COL27A1: variants seen among roughly 807,000 people sequenced by gnomAD.
COL27A1 encodes the protein collagen type XXVII alpha 1 chain, also known as collagen alpha-1(XXVII) chain.
In COL27A1, 106 loss-of-function variants were observed where a neutral mutation model predicts 251.3. That is an observed-to-expected ratio of 0.42 (90% CI 0.36 to 0.50). The LOEUF (loss-of-function observed/expected upper bound fraction) is 0.50. Ranked by LOEUF, COL27A1 falls within the 20% of genes least tolerant of loss-of-function variation. The pLI, the probability that COL27A1 is intolerant of heterozygous loss-of-function variation, is 0.00. For synonymous variants in COL27A1, 1,000 were observed against 986.3 expected, an observed-to-expected ratio of 1.01 and a Z score of -0.26; for missense variants, 2,325 against 2,522.8, an observed-to-expected ratio of 0.92 and a Z score of 1.68.
intron 10 of COL27A1, 90 bp downstream of exon 10, chr9:114,206,386 T>C: frequency 7.3e-7 from 1 of 1,361,292 alleles, no homozygotes; most frequent in South Asian, 1.2e-5. Context: ...GTCAGAGCTA[T>C]AAGGAGAGCC....
chr9:114,259,887 T>C (rs758724321), intron 28 of COL27A1, among the ~76,000 whole-genome samples: 29 of 152,020 alleles, frequency 1.9e-4, no homozygotes, highest in Admixed American at 3.9e-4. Flanking sequence ...CAAGTGGTTT[T>C]ACAATTTCCC....
intron 45 of COL27A1, 72 bp from the exon 46 acceptor site, chr9:114,289,986 C>A: frequency 2.0e-6 from 3 of 1,520,838 alleles, no homozygotes; most frequent in Middle Eastern, 2.3e-4. Context: ...CCTCTCAGTC[C>A]CTCCTTCCAG....
chr9:114,231,923 C>A (rs1736414800), intron 16 of COL27A1, 57 bp downstream of exon 16: 1 of 1,548,630 alleles, frequency 6.5e-7, no homozygotes, highest in Non-Finnish European at 8.9e-7. Flanking sequence ...CCCCCCTCTC[C>A]GCCCGGAGGC....
At chr9:114,160,021 T>A (rs1420424821) in intron 1 of COL27A1, among the ~76,000 whole-genome samples, 1 of 152,064 alleles carries the variant, frequency 6.6e-6, no homozygotes, top group African/African-American at 2.4e-5. Flanking sequence ...CCTGGCCCCA[T>A]GAAAAGGCAT....
chr9:114,290,704 C>A lies in COL27A1; in HGVS notation c.4369-106C>A. ...GTCTGACCTCCATCCTGGAGTGTGA[C>A]CCCTTCCTCCAGCTTCACCCAGGGT... On this transcript the variant is annotated intron_variant, in intron 47 of 60. Transcript: ENST00000356083. This position sits in a 1 kb window ranked among gnomAD's most constrained non-coding sequence, Gnocchi z 4.6. 1 of 811,064 alleles carries A rather than the reference C, an allele frequency of 1.2e-6. No homozygotes were observed. Among genetic ancestry groups the A allele is most frequent in the Non-Finnish European group, 2.0e-6 (1 of 511,592 alleles). The allele number at this position is 811,064 out of a possible 1,614,324, so 50.2% of individuals were successfully genotyped here. A position where few individuals can be genotyped will look rare whatever the true frequency, so the allele number is the denominator to read the frequency against.
At chr9:114,239,730 G>A (rs1283291288) in intron 19 of COL27A1, among the ~76,000 whole-genome samples, 2 of 152,222 alleles carry the variant, frequency 1.3e-5, no homozygotes, top group East Asian at 3.8e-4. Flanking sequence ...CCAAGATGTA[G>A]GAAGGACTTA....
chr9:114,217,567 G>A (rs2135371505), intron 12 of COL27A1, among the ~76,000 whole-genome samples: 1 of 152,366 alleles, frequency 6.6e-6, no homozygotes, highest in African/African-American at 2.4e-5. Flanking sequence ...CAGGACAGAG[G>A]GTCAAGTGTG....
chr9:114,194,882 T>G (rs1829002876), intron 6 of COL27A1, among the ~76,000 whole-genome samples: 1 of 152,190 alleles, frequency 6.6e-6, no homozygotes, highest in African/African-American at 2.4e-5. Context: ...CAGACGGGTC[T>G]GTGGATTTCT....
intron 5 of COL27A1, among the ~76,000 whole-genome samples, chr9:114,192,955 AT>A (rs1419962774): frequency 6.6e-6 from 1 of 152,140 alleles, no homozygotes; most frequent in Non-Finnish European, 1.5e-5. Flanking sequence ...TGTTATGACC[AT>A]TATCCCACTG....
At chr9:114,235,371 A>G (rs1832300208) in intron 16 of COL27A1, among the ~76,000 whole-genome samples, 1 of 152,182 alleles carries the variant, frequency 6.6e-6, no homozygotes, top group Non-Finnish European at 1.5e-5. Flanking sequence ...TGGCATTTTC[A>G]GCCATCCGAG....
At chr9:114,298,112 G>A (rs1016475172) in intron 49 of COL27A1, among the ~76,000 whole-genome samples, 3 of 148,488 alleles carry the variant, frequency 2.0e-5, no homozygotes, top group Non-Finnish European at 4.4e-5. Context: ...TCCAGCCTGG[G>A]CAACATCTCA....
intron 5 of COL27A1, among the ~76,000 whole-genome samples, chr9:114,194,031 G>A (rs192690622): frequency 5.9e-5 from 9 of 152,164 alleles, no homozygotes; most frequent in East Asian, 1.9e-4. Context: ...CAGCCTGGTC[G>A]CAGGACAGTG....
In COL27A1 at chr9:114,156,796, G is replaced by A. The variant is rs868738967; in HGVS notation, c.62+784G>A. On this transcript the variant is annotated intron_variant, in intron 1 of 60. Transcript: ENST00000356083. Reference sequence around the variant, plus strand: ...GGGATTCCCAGCGTGTGGAGTAGGAGTTGTAAGAGAGAGTGAGCCTGTGCT... The same window carrying A: ...GGGATTCCCAGCGTGTGGAGTAGGAATTGTAAGAGAGAGTGAGCCTGTGCT... Among the ~76,000 whole-genome samples, 10 of 152,238 alleles carry A rather than the reference G, an allele frequency of 6.6e-5. No homozygotes were observed. In the Middle Eastern group the frequency reaches 0.014, roughly 207 times the overall value.
At chr9:114,242,598 C>T (rs1021753150) in intron 22 of COL27A1, among the ~76,000 whole-genome samples, 1 of 152,262 alleles carries the variant, frequency 6.6e-6, no homozygotes, top group Non-Finnish European at 1.5e-5. Flanking sequence ...GCCCTCTGCA[C>T]TCTTCCAAGC....
intron 24 of COL27A1, among the ~76,000 whole-genome samples, chr9:114,247,693 A>T (rs1253860352): frequency 6.6e-6 from 1 of 152,126 alleles, no homozygotes; most frequent in Non-Finnish European, 1.5e-5. Flanking sequence ...CAGAGCTGGA[A>T]CCCTGTGGCT....
intron 16 of COL27A1, among the ~76,000 whole-genome samples, chr9:114,232,550 C>T (rs545424836): frequency 6.6e-5 from 10 of 152,348 alleles, no homozygotes; most frequent in South Asian, 2.1e-4. Flanking sequence ...CCAGGACCCC[C>T]GAAGGGGGTG....
intron 25 of COL27A1, among the ~76,000 whole-genome samples, chr9:114,252,231 C>T (rs1475502156): frequency 6.6e-6 from 1 of 152,216 alleles, no homozygotes; most frequent in Admixed American, 6.5e-5. Flanking sequence ...TCTGCCTCAG[C>T]AAGCCTAGCC....
chr9:114,194,310 A>T, intron 5 of COL27A1, 94 bp from the exon 6 acceptor site: 2 of 1,227,206 alleles, frequency 1.6e-6, no homozygotes, highest in East Asian at 2.3e-5. Context: ...GAAGGCATTT[A>T]AGCAAGGGAG....
intron 7 of COL27A1, among the ~76,000 whole-genome samples, chr9:114,201,518 C>T (rs952032132): frequency 2.0e-5 from 3 of 152,160 alleles, no homozygotes; most frequent in Non-Finnish European, 1.5e-5. Context: ...GGGGTGTTCA[C>T]GGCAATGTTC....
Sources: allele counts gnomAD v4.1 joint callset (sites outside exome capture counted in the v4.1 genomes callset), GRCh38; gene constraint gnomAD v4.1.1; non-coding constraint Gnocchi (gnomAD v3.1); transcripts MANE v1.5; gene names NCBI Gene and HGNC (gene_info 2026-07-23, HGNC 2026-07-21).